Variants in MYO3A observed in about 807,000 individuals in gnomAD.
MYO3A encodes myosin IIIA, also known as myosin-IIIa.
MYO3A carries 180 observed loss-of-function variants against 192.7 expected under a neutral mutation model. The observed-to-expected ratio is 0.93, with a 90% confidence interval of 0.83 to 1.06. The LOEUF (loss-of-function observed/expected upper bound fraction) is 1.06, where lower values mean the gene tolerates loss of function less well. Among genes scored for constraint, MYO3A ranks in the 50% least tolerant of loss-of-function variants. The pLI is 0.00. For missense variants in MYO3A, 1,896 were observed against 1,905.0 expected (o/e 1.00, Z 0.09); for synonymous variants, 628 against 645.3 (o/e 0.97, Z 0.41).
chr10:26,107,766 C>T (rs1200741891), intron 17 of MYO3A, among the ~76,000 whole-genome samples: 1 of 151,650 alleles, frequency 6.6e-6, no homozygotes, highest in Admixed American at 6.6e-5. Context: ...TGCCCTTACT[C>T]TTTTATCTTT....
At chr10:26,185,329 C>CTTTTTTTTTT (rs61581382) in intron 31 of MYO3A, among the ~76,000 whole-genome samples, 2 of 63,856 alleles carry the variant, frequency 3.1e-5, no homozygotes, top group African/African-American at 5.8e-5. Context: ...TTCCAGGATT[C>CTTTTTTTTTT]TTTTTTTTTT....
At chr10:26,002,633 G>A (rs1462495711) in intron 6 of MYO3A, among the ~76,000 whole-genome samples, 1 of 151,696 alleles carries the variant, frequency 6.6e-6, no homozygotes, top group Non-Finnish European at 1.5e-5. Context: ...CAGGTAATCG[G>A]AATGAGTCAG....
chr10:26,076,557 G>T (rs1024072928), intron 14 of MYO3A, among the ~76,000 whole-genome samples: 2 of 151,874 alleles, frequency 1.3e-5, no homozygotes, highest in African/African-American at 4.8e-5. Flanking sequence ...TTGGGTTCTT[G>T]GTCATGAAAT....
intron 29 of MYO3A, 140 bp downstream of exon 29, chr10:26,170,679 G>T: frequency 1.1e-6 from 1 of 897,120 alleles, no homozygotes; most frequent in Non-Finnish European, 1.7e-6. Flanking sequence ...ACACCCAGAG[G>T]CTACTTTTGT....
At chr10:26,000,647 A>C (rs956713933) in intron 6 of MYO3A, among the ~76,000 whole-genome samples, 1 of 147,318 alleles carries the variant, frequency 6.8e-6, no homozygotes, top group Admixed American at 6.8e-5. Context: ...TGGAAAGATC[A>C]AACAGGGTGA....
At chr10:26,003,458 C>T (rs1427567555) in intron 6 of MYO3A, among the ~76,000 whole-genome samples, 2 of 152,122 alleles carry the variant, frequency 1.3e-5, no homozygotes, top group Non-Finnish European at 2.9e-5. Context: ...TGCTAATGCT[C>T]ATTATGAATA....
chr10:26,088,244 C>G lies in MYO3A; in HGVS notation c.1401C>G (p.Asn467Lys). The G allele has an allele frequency of 6.2e-7, 1 of 1,612,838 alleles. No individual in the cohort carries two copies. Among genetic ancestry groups the G allele is most frequent in the Non-Finnish European group, 8.5e-7 (1 of 1,179,434 alleles). The change falls in exon 15 of 35, where the codon AAC becomes AAG. Residue 467 changes from asparagine (N) to lysine (K), a missense_variant. Physicochemically the swap from Asn to Lys is moderately conservative, Grantham distance 94. Coordinates refer to ENST00000642920, the MANE Select transcript of MYO3A (RefSeq NM_017433.5). ...TGCAAGAGAAGATTTTACAAGTGAA[C>G]AATTTGGTAGAAGCCTTTGGCAATG... ...RTLQEKILQV[N>K]NLVEAFGNAC...
intron 3 of MYO3A, 125 bp from the exon 4 acceptor site, chr10:25,954,749 A>C (rs1015962406): frequency 2.9e-5 from 28 of 981,886 alleles, no homozygotes; most frequent in Non-Finnish European, 4.1e-5. Context: ...ACATAATACT[A>C]AGCACAGTAA....
chr10:25,937,929 A>G (rs753162154), intron 2 of MYO3A, among the ~76,000 whole-genome samples: 1 of 152,226 alleles, frequency 6.6e-6, no homozygotes, highest in Non-Finnish European at 1.5e-5. Context: ...TGTCCAGTTC[A>G]TGTGGTCTGT....
intron 6 of MYO3A, 61 bp downstream of exon 6, chr10:25,997,319 G>T: frequency 7.9e-7 from 1 of 1,258,494 alleles, no homozygotes; most frequent in Non-Finnish European, 1.2e-6. Flanking sequence ...GATATGATTT[G>T]ATCTTTTTCG....
chr10:26,043,081 T>A (rs935019919), intron 10 of MYO3A, among the ~76,000 whole-genome samples: 2 of 152,048 alleles, frequency 1.3e-5, no homozygotes, highest in Non-Finnish European at 1.5e-5. Flanking sequence ...TTGGATAAGA[T>A]CTTGAATAAT....
intron 2 of MYO3A, among the ~76,000 whole-genome samples, chr10:25,943,982 T>A (rs1836672466): frequency 6.6e-6 from 1 of 152,084 alleles, no homozygotes; most frequent in Admixed American, 6.5e-5. Flanking sequence ...TTGTTCCTGA[T>A]CTTAGGAAAG....
At chr10:26,076,305 A>G (rs1277989342) in intron 14 of MYO3A, among the ~76,000 whole-genome samples, 2 of 152,046 alleles carry the variant, frequency 1.3e-5, no homozygotes, top group Non-Finnish European at 2.9e-5. Context: ...TCTTTAGAGA[A>G]TTGTCTATTC....
At chr10:25,978,699 G>C (rs1437134214) in intron 4 of MYO3A, among the ~76,000 whole-genome samples, 1 of 152,086 alleles carries the variant, frequency 6.6e-6, no homozygotes, top group Non-Finnish European at 1.5e-5. Flanking sequence ...TAGAATTATA[G>C]ATCCTATGTA....
intron 4 of MYO3A, among the ~76,000 whole-genome samples, chr10:25,974,211 C>T (rs575631759): frequency 6.6e-6 from 1 of 152,250 alleles, no homozygotes; most frequent in Admixed American, 6.5e-5. Flanking sequence ...GGACTAATAT[C>T]CAGAATCTAC....
chr10:26,014,279 A>G (rs1313654284), intron 6 of MYO3A, among the ~76,000 whole-genome samples: 1 of 152,046 alleles, frequency 6.6e-6, no homozygotes. Context: ...TATTGAAATA[A>G]AAAAATAAAT....
At chr10:26,185,366 G>A (rs992474618) in intron 31 of MYO3A, among the ~76,000 whole-genome samples, 2 of 107,742 alleles carry the variant, frequency 1.9e-5, no homozygotes, top group Non-Finnish European at 3.5e-5. Flanking sequence ...TTGAGATGGA[G>A]TCTTGCTCTG....
chr10:26,188,438 A>G (rs919493134), intron 31 of MYO3A, among the ~76,000 whole-genome samples: 2 of 152,124 alleles, frequency 1.3e-5, no homozygotes, highest in African/African-American at 4.8e-5. Flanking sequence ...CCCATTCTGT[A>G]GGTTGCCTAT....
At chr10:26,123,374 A>C (rs1359685606) in intron 18 of MYO3A, among the ~76,000 whole-genome samples, 1 of 152,222 alleles carries the variant, frequency 6.6e-6, no homozygotes, top group Non-Finnish European at 1.5e-5. Context: ...GGAAAAGATG[A>C]ACATATCAAT....
Sources: allele counts gnomAD v4.1 joint callset (sites outside exome capture counted in the v4.1 genomes callset), GRCh38; gene constraint gnomAD v4.1.1; transcripts MANE v1.5; gene names NCBI Gene and HGNC (gene_info 2026-07-23, HGNC 2026-07-21).